PSD: variants seen among roughly 807,000 people sequenced by gnomAD.
PSD encodes pleckstrin and Sec7 domain containing.
A neutral mutation model predicts 91.6 loss-of-function variants in PSD; 32 were observed. The ratio of observed to expected loss-of-function variants is 0.35; its 90% confidence interval spans 0.26 to 0.47. The LOEUF (loss-of-function observed/expected upper bound fraction) is 0.47, where lower values mean the gene tolerates loss of function less well. PSD is among the 20% of genes least tolerant of loss of function. The pLI is 1.00. For missense variants in PSD, 1,099 were observed against 1,373.9 expected (o/e 0.80, Z 3.16); for synonymous variants, 532 against 569.3 (o/e 0.93, Z 0.93).
Position 102,416,316 on chromosome 10 carries a change from C to A in PSD, c.654+69G>T. The stretch of plus-strand genomic sequence containing the variant: ...ATTCAGAGTGAACAGCAGACAAGCC[C>A]ATGTCTGACAGGAGGCTGAGCCTTG... On this transcript the variant is annotated intron_variant, in intron 2 of 16. Transcript: ENST00000020673. The surrounding 1 kb of genome is among the most constrained non-coding windows in gnomAD (Gnocchi z 6.0). 6.6e-7 allele frequency: 1 copy of A among 1,511,724 alleles called. No homozygotes were observed. The allele number at this position is 1,511,724 out of a possible 1,614,324, so 93.6% of individuals were successfully genotyped here. A position where few individuals can be genotyped will look rare whatever the true frequency, so the allele number is the denominator to read the frequency against.
intron 7 of PSD, 81 bp from the exon 8 acceptor site, chr10:102,411,900 G>T: frequency 9.2e-7 from 1 of 1,085,206 alleles, no homozygotes. Flanking sequence ...GGCTTTGAGA[G>T]TACAGCAGCT....
At position 102,411,123 on chromosome 10, in the gene PSD, G is replaced by A. The variant is rs373791243; in HGVS notation, c.1943-7C>T. 5.6e-6 allele frequency: 9 copies of A among 1,600,834 alleles called. No homozygotes were observed. The African/African-American group carries it at 1.2e-4, about 21-fold the overall frequency. ...GTCAGCGTGTGGGCGCCGTCTAGGGGAGAGCTGACTTTCAGCCTTGGCTGC... is the reference window on the plus strand; with the variant it reads ...GTCAGCGTGTGGGCGCCGTCTAGGGAAGAGCTGACTTTCAGCCTTGGCTGC... On this transcript the variant is annotated splice_region_variant and splice_polypyrimidine_tract_variant and intron_variant, in intron 8 of 16. Transcript: ENST00000020673.
chr10:102,412,668 G>T, intron 5 of PSD, 93 bp from the exon 6 acceptor site: 1 of 1,120,750 alleles, frequency 8.9e-7, no homozygotes, highest in Non-Finnish European at 1.3e-6. Flanking sequence ...GATGGAGAAG[G>T]GGAGGGAGTG....
chr10:102,418,250 C>T (rs1336516962), intron 1 of PSD, among the ~76,000 whole-genome samples: 1 of 152,084 alleles, frequency 6.6e-6, no homozygotes, highest in African/African-American at 2.4e-5. Context: ...AATGAAAAGG[C>T]ACATGCTTGT....
chr10:102,416,433 G>C lies in PSD; in HGVS notation c.606C>G (p.Arg202=). 6.2e-7 allele frequency: 1 copy of C among 1,611,356 alleles called. No individual in the cohort carries two copies. Among genetic ancestry groups the C allele is most frequent in the Admixed American group, 1.7e-5 (1 of 59,496 alleles). ...LPNGLGGPPE[R]LATLFGGPAD... ...CAGGTCCTCCGAAGAGTGTGGCCAGGCGCTCAGGGGGGCCCCCCAGCCCAT... is the reference window on the plus strand; with the variant it reads ...CAGGTCCTCCGAAGAGTGTGGCCAGCCGCTCAGGGGGGCCCCCCAGCCCAT... The change falls in exon 2 of 17, where the codon CGC becomes CGG. Residue 202 remains arginine, a synonymous_variant. Transcript: ENST00000020673. The surrounding 1 kb of genome is among the most constrained non-coding windows in gnomAD (Gnocchi z 6.0).
chr10:102,416,950 G>A lies in PSD; in HGVS notation c.89C>T (p.Pro30Leu), dbSNP rs149688277. The A allele has an allele frequency of 1.6e-5, 26 of 1,602,978 alleles. No homozygotes were observed. The highest frequency in any genetic ancestry group is 8.4e-5 in the Admixed American group (5 of 59,832). ...GCTGGCTGGGGGGCTCTGGGGCACC[G>A]GGCCTTCGGGGAGCCAGCGGCGTGG... ...RCPRRWLPEG[P>L]VPQSPPASMY... Residue 30 changes from proline (P) to leucine (L), a missense_variant, in exon 2 of 17, where the codon CCG becomes CTG. By Grantham distance (98) the Pro-to-Leu change is moderately conservative. This residue lies in a region of PSD where 631 missense variants were observed against 728.8 expected (regional missense o/e 0.87). Coordinates refer to ENST00000020673, the MANE Select transcript of PSD (RefSeq NM_002779.5). This position sits in a 1 kb window ranked among gnomAD's most constrained non-coding sequence, Gnocchi z 6.0.
In PSD at chr10:102,416,512, C is replaced by T. The variant is rs918171675; in HGVS notation, c.527G>A (p.Gly176Glu). 6.2e-7 allele frequency: 1 copy of T among 1,612,662 alleles called. No homozygotes were observed. Among genetic ancestry groups the T allele is most frequent in the Non-Finnish European group, 8.5e-7 (1 of 1,179,420 alleles). The change falls in exon 2 of 17, where the codon GGG becomes GAG. Residue 176 changes from glycine to glutamate, a missense_variant. Physicochemically the swap from Gly to Glu is moderately conservative, Grantham distance 98. This residue lies in a region of PSD where 631 missense variants were observed against 728.8 expected (regional missense o/e 0.87). Coordinates refer to ENST00000020673, the MANE Select transcript of PSD (RefSeq NM_002779.5). The surrounding 1 kb of genome is among the most constrained non-coding windows in gnomAD (Gnocchi z 6.0). ...ALPGSRNLVH[G>E]PPAPPQVGAD... ...TCCAACCTGGGGTGGGGCTGGCGGC[C>T]CATGTACAAGGTTCCGGCTGCCAGG...
intron 1 of PSD, among the ~76,000 whole-genome samples, chr10:102,418,030 C>G (rs888817870): frequency 3.4e-5 from 5 of 148,520 alleles, no homozygotes; most frequent in Non-Finnish European, 7.4e-5. Context: ...TTTCTTCATA[C>G]AGGTACAGAC....
chr10:102,413,655 C>A, intron 5 of PSD, 114 bp downstream of exon 5: 1 of 1,115,474 alleles, frequency 9.0e-7, no homozygotes. Context: ...TTAACCACCC[C>A]TACTCAGGGG....
Position 102,410,164 on chromosome 10 carries a change from GAGTCC to G in PSD, c.2091+689_2091+693del, listed in dbSNP as rs1459508863. Reference sequence around the variant, plus strand: ...TCCTAGCCTGGGGGTTTCTTCAAGTGAGTCCAGGCCTCTCTAGATAAACTACCACC... The same window carrying G: ...TCCTAGCCTGGGGGTTTCTTCAAGTGAGGCCTCTCTAGATAAACTACCACC... On this transcript the variant is annotated intron_variant, in intron 10 of 16. Coordinates refer to ENST00000020673, the MANE Select transcript of PSD (RefSeq NM_002779.5). The surrounding 1 kb of genome is among the most constrained non-coding windows in gnomAD (Gnocchi z 6.0). Among the ~76,000 whole-genome samples, 1 of 152,194 alleles carries G rather than the reference GAGTCC, an allele frequency of 6.6e-6. No individual in the cohort carries two copies. The highest frequency in any genetic ancestry group is 1.5e-5 in the Non-Finnish European group (1 of 68,028).
At chr10:102,407,138 G>T in intron 11 of PSD, 85 bp downstream of exon 11, 1 of 1,078,768 alleles carries the variant, frequency 9.3e-7, no homozygotes, top group South Asian at 1.6e-5. Flanking sequence ...CCCCCACCCA[G>T]GGCCTACCCC....
chr10:102,417,844 G>A (rs967449039), intron 1 of PSD, among the ~76,000 whole-genome samples: 4 of 151,914 alleles, frequency 2.6e-5, no homozygotes, highest in Admixed American at 2.6e-4. Flanking sequence ...GAATAGCTTG[G>A]ATTACAGGCG....
Position 102,412,231 on chromosome 10 carries a change from T to TGGGCA in PSD, c.1749-9_1749-5dup. On this transcript the variant is annotated splice_region_variant and splice_polypyrimidine_tract_variant and intron_variant, in intron 6 of 16. Coordinates refer to ENST00000020673, the MANE Select transcript of PSD (RefSeq NM_002779.5). ...CACCAGTTTGCTGAAGTCATTGCTG[T>TGGGCA]GGGCAGGGCAGAGAGACAGGTAGGG... The TGGGCA allele has an allele frequency of 6.2e-7, 1 of 1,614,094 alleles. No individual in the cohort carries two copies. The highest frequency in any genetic ancestry group is 8.5e-7 in the Non-Finnish European group (1 of 1,179,984).
chr10:102,418,590 G>T (rs761495224), intron 1 of PSD, 111 bp downstream of exon 1: 3 of 398,504 alleles, frequency 7.5e-6, no homozygotes, highest in Non-Finnish European at 1.6e-5. Context: ...GGCAATGCAG[G>T]GGAGGGGCAG....
chr10:102,414,252 G>A lies in PSD; in HGVS notation c.1125-55C>T. 6.9e-7 allele frequency: 1 copy of A among 1,444,924 alleles called. No individual in the cohort carries two copies. The highest frequency in any genetic ancestry group is 1.4e-5 in the African/African-American group (1 of 70,366). 89.5% of individuals were successfully genotyped at this position (1,444,924 alleles called of 1,614,324 possible). The stretch of plus-strand genomic sequence containing the variant: ...GGGCCCAGATCACAGGGCTGGGGCA[G>A]GATTTCACTGAACTCTCACACTGAC... On this transcript the variant is annotated intron_variant, in intron 4 of 16. Coordinates refer to ENST00000020673, the MANE Select transcript of PSD (RefSeq NM_002779.5). This position sits in a 1 kb window ranked among gnomAD's most constrained non-coding sequence, Gnocchi z 5.6.
Position 102,404,578 on chromosome 10 carries a change from G to C in PSD, c.2700+5C>G. On this transcript the variant is annotated splice_donor_5th_base_variant and intron_variant, in intron 15 of 16. Coordinates refer to ENST00000020673, the MANE Select transcript of PSD (RefSeq NM_002779.5). This position sits in a 1 kb window ranked among gnomAD's most constrained non-coding sequence, Gnocchi z 5.7. ...CTGGCACTAGGTGGACAGAGCTTGGGCTACCTGGGAGAGGCGGGTGGCAGC... is the reference window on the plus strand; with the variant it reads ...CTGGCACTAGGTGGACAGAGCTTGGCCTACCTGGGAGAGGCGGGTGGCAGC... 1 of 1,611,948 alleles carries C rather than the reference G, an allele frequency of 6.2e-7. No individual in the cohort carries two copies. The highest frequency in any genetic ancestry group is 1.1e-5 in the South Asian group (1 of 90,808).
Position 102,403,730 on chromosome 10 carries a change from A to G in PSD, c.2844+112T>C. Reference sequence around the variant, plus strand: ...TGCACAGAGGAGGAAACTGAGGCTTAGGTTAAGCAACCTGCCCAAGGACCT... The same window carrying G: ...TGCACAGAGGAGGAAACTGAGGCTTGGGTTAAGCAACCTGCCCAAGGACCT... On this transcript the variant is annotated intron_variant, in intron 16 of 16. Transcript: ENST00000020673. This position sits in a 1 kb window ranked among gnomAD's most constrained non-coding sequence, Gnocchi z 6.7. The G allele has an allele frequency of 7.3e-7, 1 of 1,376,944 alleles. No homozygotes were observed. Among genetic ancestry groups the G allele is most frequent in the Non-Finnish European group, 9.7e-7 (1 of 1,028,222 alleles). 85.3% of individuals were successfully genotyped at this position (1,376,944 alleles called of 1,614,324 possible).
rs1430392624 is a variant in PSD, at chr10:102,415,022, T to G, written c.965A>C (p.Glu322Ala). The G allele has an allele frequency of 6.2e-7, 1 of 1,612,114 alleles. No individual in the cohort carries two copies. Among genetic ancestry groups the G allele is most frequent in the Non-Finnish European group, 8.5e-7 (1 of 1,178,650 alleles). ...DSAIESQPSSEGPPGTAYPPA... is the reference protein window; with the variant it reads ...DSAIESQPSSAGPPGTAYPPA... The stretch of plus-strand genomic sequence containing the variant: ...TGGGTAGGCAGTGCCTGGTGGGCCC[T>G]CAGAGCTGGGCTGACTTTCGATGGC... Residue 322 changes from glutamate (E) to alanine (A), a missense_variant, in exon 4 of 17, where the codon GAG (glutamate) becomes GCG (alanine). Coordinates refer to ENST00000020673, the MANE Select transcript of PSD (RefSeq NM_002779.5).
At chr10:102,406,713 G>A (rs1436258697) in intron 11 of PSD, among the ~76,000 whole-genome samples, 3 of 152,122 alleles carry the variant, frequency 2.0e-5, no homozygotes, top group Admixed American at 6.5e-5. Flanking sequence ...CACCGTTTTA[G>A]CCAGGATGGT....
Sources: allele counts gnomAD v4.1 joint callset (sites outside exome capture counted in the v4.1 genomes callset), GRCh38; gene constraint gnomAD v4.1.1; regional missense constraint gnomAD v4.1.1; non-coding constraint Gnocchi (gnomAD v3.1); transcripts MANE v1.5; gene names NCBI Gene and HGNC (gene_info 2026-07-23, HGNC 2026-07-21).